Variants in LRMDA observed in about 807,000 individuals in gnomAD.
The protein encoded by LRMDA is leucine rich melanocyte differentiation associated.
In LRMDA, 18 loss-of-function variants were observed where a neutral mutation model predicts 29.8. The observed-to-expected ratio is 0.60, with a 90% CI of 0.42 to 0.90. The LOEUF (loss-of-function observed/expected upper bound fraction) is 0.90, where lower values mean the gene tolerates loss of function less well. Ranked by LOEUF, LRMDA falls within the 40% of genes least tolerant of loss-of-function variation. LRMDA has a pLI of 0.00. For missense variants in LRMDA, 273 were observed against 273.9 expected, an observed-to-expected ratio of 1.00 and a Z score of 0.02; for synonymous variants, 125 against 109.4, an observed-to-expected ratio of 1.14 and a Z score of -0.89.
intron 2 of LRMDA, among the ~76,000 whole-genome samples, chr10:75,563,956 C>A (rs1464664885): frequency 1.3e-5 from 2 of 152,208 alleles, no homozygotes; most frequent in African/African-American, 4.8e-5. Flanking sequence ...AGGTGCCTCC[C>A]AGTTAGGCTG....
chr10:75,748,137 A>C (rs1842911198), intron 2 of LRMDA, among the ~76,000 whole-genome samples: 1 of 152,064 alleles, frequency 6.6e-6, no homozygotes, highest in Non-Finnish European at 1.5e-5. Context: ...CTTGTTGCCC[A>C]GGCTGGAGTG....
At chr10:76,297,254 C>T (rs946587298) in intron 5 of LRMDA, among the ~76,000 whole-genome samples, 13 of 152,210 alleles carry the variant, frequency 8.5e-5, no homozygotes, top group African/African-American at 3.1e-4. Flanking sequence ...CTTTGGAAAG[C>T]ATTCAGGGTG....
chr10:76,199,681 T>C (rs967625634), intron 5 of LRMDA, among the ~76,000 whole-genome samples: 8 of 152,108 alleles, frequency 5.3e-5, no homozygotes, highest in Non-Finnish European at 1.0e-4. Context: ...GTAAGAAAAA[T>C]GATTAGAGGA....
intron 2 of LRMDA, among the ~76,000 whole-genome samples, chr10:75,805,282 T>G (rs968536845): frequency 1.3e-5 from 2 of 152,156 alleles, no homozygotes; most frequent in African/African-American, 4.8e-5. Flanking sequence ...GGTGTTCATC[T>G]GAGAGGTCCC....
At chr10:75,980,664 G>A (rs774762549) in intron 2 of LRMDA, among the ~76,000 whole-genome samples, 1 of 152,176 alleles carries the variant, frequency 6.6e-6, no homozygotes, top group Non-Finnish European at 1.5e-5. Context: ...GGAGCTGGAG[G>A]CTCAATGTGT....
At chr10:75,495,550 T>C (rs1845034961) in intron 2 of LRMDA, among the ~76,000 whole-genome samples, 1 of 152,188 alleles carries the variant, frequency 6.6e-6, no homozygotes, top group South Asian at 2.1e-4. Context: ...GCCTCTGAGC[T>C]TTTTGCCCTT....
In LRMDA at chr10:76,558,536, GTTGA is replaced by G. The variant is rs953074939; in HGVS notation, c.*1256_*1259del. On this transcript the variant is annotated 3_prime_UTR_variant, in exon 7 of 7. Coordinates refer to ENST00000611255, the MANE Select transcript of LRMDA (RefSeq NM_001305581.2). ...AATCACTCTAGAAGATGTTCAAAAG[GTTGA>G]TTGATTGTTCTTGACACGATAGTGT... 6.6e-6 allele frequency: 1 copy of G among 152,142 alleles called. No individual in the cohort carries two copies. The highest frequency in any genetic ancestry group is 2.4e-5 in the African/African-American group (1 of 41,408). 9.4% of individuals were successfully genotyped at this position (152,142 alleles called of 1,614,324 possible).
At chr10:75,887,276 A>G (rs1190709136) in intron 2 of LRMDA, among the ~76,000 whole-genome samples, 1 of 151,994 alleles carries the variant, frequency 6.6e-6, no homozygotes, top group Non-Finnish European at 1.5e-5. Context: ...TATAGTCTCA[A>G]AATGAGGATA....
intron 5 of LRMDA, among the ~76,000 whole-genome samples, chr10:76,070,992 C>T (rs1169063420): frequency 6.6e-6 from 1 of 152,166 alleles, no homozygotes; most frequent in African/African-American, 2.4e-5. Flanking sequence ...CTCTGGACAG[C>T]TGTGGAGGAG....
At chr10:76,371,951 G>A (rs376925968) in intron 6 of LRMDA, among the ~76,000 whole-genome samples, 2 of 152,126 alleles carry the variant, frequency 1.3e-5, no homozygotes, top group Non-Finnish European at 2.9e-5. Flanking sequence ...AGGTCTCCTT[G>A]CCTCTAACAA....
intron 5 of LRMDA, among the ~76,000 whole-genome samples, chr10:76,273,444 C>T (rs903940417): frequency 3.9e-5 from 6 of 152,156 alleles, no homozygotes; most frequent in African/African-American, 7.2e-5. Context: ...TAGACACCAA[C>T]GATTTCTTTC....
At chr10:75,623,535 G>A (rs1589138212) in intron 2 of LRMDA, among the ~76,000 whole-genome samples, 3 of 152,270 alleles carry the variant, frequency 2.0e-5, no homozygotes, top group Admixed American at 2.0e-4. Flanking sequence ...AGAGGGAAGG[G>A]GTGAAAGGGA....
intron 5 of LRMDA, among the ~76,000 whole-genome samples, chr10:76,132,230 G>A (rs961167857): frequency 3.3e-5 from 5 of 152,226 alleles, no homozygotes; most frequent in South Asian, 2.1e-4. Context: ...CAAAATAGAG[G>A]TGGTGATTTT....
chr10:75,792,439 A>T, intron 2 of LRMDA, among the ~76,000 whole-genome samples: 1 of 151,870 alleles, frequency 6.6e-6, no homozygotes, highest in East Asian at 1.9e-4. Context: ...TAATTTTTGT[A>T]TTTTTAGTAG....
intron 2 of LRMDA, among the ~76,000 whole-genome samples, chr10:75,607,348 A>G (rs969039487): frequency 2.0e-5 from 3 of 152,366 alleles, no homozygotes; most frequent in East Asian, 1.9e-4. Context: ...TCGAATGAAT[A>G]AAATTGACCT....
intron 6 of LRMDA, among the ~76,000 whole-genome samples, chr10:76,492,807 G>T (rs559237107): frequency 6.6e-6 from 1 of 152,120 alleles, no homozygotes; most frequent in East Asian, 1.9e-4. Context: ...AAAACCATCA[G>T]ATCTCCTGAG....
At chr10:75,466,744 C>T (rs1240985286) in intron 2 of LRMDA, among the ~76,000 whole-genome samples, 1 of 152,068 alleles carries the variant, frequency 6.6e-6, no homozygotes, top group Non-Finnish European at 1.5e-5. Context: ...TCCAGAAAGC[C>T]CTTTCGTCAC....
chr10:76,050,914 C>G (rs949327915), intron 4 of LRMDA, among the ~76,000 whole-genome samples: 1 of 152,246 alleles, frequency 6.6e-6, no homozygotes, highest in African/African-American at 2.4e-5. Flanking sequence ...TTTAGCTCTT[C>G]CTCTGTCACT....
At chr10:75,961,418 G>A (rs1207939617) in intron 2 of LRMDA, among the ~76,000 whole-genome samples, 7 of 152,256 alleles carry the variant, frequency 4.6e-5, no homozygotes, top group African/African-American at 1.2e-4. Context: ...GTTCCCCCAC[G>A]GGGGTTTTGG....
Sources: allele counts gnomAD v4.1 joint callset (sites outside exome capture counted in the v4.1 genomes callset), GRCh38; gene constraint gnomAD v4.1.1; transcripts MANE v1.5; gene names NCBI Gene and HGNC (gene_info 2026-07-23, HGNC 2026-07-21).